Variants in F2R observed in about 807,000 individuals in gnomAD.
F2R encodes the protein coagulation factor II thrombin receptor, also known as proteinase-activated receptor 1.
A neutral mutation model predicts 18.3 loss-of-function variants in F2R; 12 were observed. That is an observed-to-expected ratio of 0.66 (90% confidence interval 0.42 to 1.06). F2R has a LOEUF of 1.06. Ranked by LOEUF, F2R falls within the 50% of genes least tolerant of loss-of-function variation. The pLI is 0.00. For synonymous variants in F2R, 210 were observed against 219.9 expected, an observed-to-expected ratio of 0.95 and a Z score of 0.40; for missense variants, 438 against 530.8, an observed-to-expected ratio of 0.83 and a Z score of 1.72.
In F2R at chr5:76,735,245, G is replaced by A. The variant is rs1037350053; in HGVS notation, c.*1742G>A. On this transcript the variant is annotated 3_prime_UTR_variant, in exon 2 of 2. Transcript: ENST00000319211. ...TCCCAGCACTTTGGGAGGCTGAGGC[G>A]GGTGGATCACGAGGTCAGGAGATCG... 7.9e-5 allele frequency: 12 copies of A among 152,116 alleles called. No individual in the cohort carries two copies. The highest frequency in any genetic ancestry group is 2.1e-4 in the South Asian group (1 of 4,832). 9.4% of individuals were successfully genotyped at this position (152,116 alleles called of 1,614,324 possible).
At position 76,733,494 on chromosome 5, in the gene F2R, G is replaced by A. The variant is rs200544128; in HGVS notation, c.1269G>A (p.Leu423=). 2.5e-4 allele frequency: 401 copies of A among 1,605,362 alleles called. 1 individual carries two copies. Among genetic ancestry groups the A allele is most frequent in the Non-Finnish European group, 2.9e-4 (338 of 1,176,544 alleles). The change falls in exon 2 of 2, where the codon CTG becomes CTA. Residue 423 remains leucine (L), a synonymous_variant. Transcript: ENST00000319211. ...SNLNNSIYKK[L]LT ...TGAATAACAGCATATACAAAAAGCT[G>A]TTAACTTAGGAAAAGGGACTGCTGG...
At chr5:76,716,607 C>T (rs898041150) in intron 1 of F2R, 32 of 722,222 alleles carry the variant, frequency 4.4e-5, no homozygotes, top group Non-Finnish European at 7.2e-5. Flanking sequence ...TGGACTCGAT[C>T]TTGGAGGGTG....
intron 1 of F2R, among the ~76,000 whole-genome samples, chr5:76,717,286 A>G (rs900959151): frequency 6.6e-6 from 1 of 152,240 alleles, no homozygotes; most frequent in African/African-American, 2.4e-5. Context: ...AGCAGCACAG[A>G]TGAGTTGTTT....
At position 76,716,315 on chromosome 5, in the gene F2R, C is replaced by CGCG. The variant is rs1748340769; in HGVS notation, c.14_16dup (p.Arg5dup). On this transcript the variant is annotated inframe_insertion, in exon 1 of 2. Coordinates refer to ENST00000319211, the MANE Select transcript of F2R (RefSeq NM_001992.5). ...CGCGCAGAGCCCGGGACAATGGGGC[C>CGCG]GCGGCGGCTGCTGCTGGTGGCCGCC... The CGCG allele has an allele frequency of 7.1e-7, 1 of 1,410,570 alleles. No individual in the cohort carries two copies. The highest frequency in any genetic ancestry group is 1.5e-5 in the African/African-American group (1 of 66,972). The allele number at this position is 1,410,570 out of a possible 1,614,324, so 87.4% of individuals were successfully genotyped here.
At chr5:76,731,718 T>C (rs1424160555) in intron 1 of F2R, among the ~76,000 whole-genome samples, 1 of 151,862 alleles carries the variant, frequency 6.6e-6, no homozygotes, top group Non-Finnish European at 1.5e-5. Context: ...TTAGTAGAGA[T>C]GGGGTTTCAC....
intron 1 of F2R, among the ~76,000 whole-genome samples, chr5:76,725,388 A>G (rs1408028603): frequency 1.3e-5 from 2 of 152,120 alleles, no homozygotes; most frequent in Non-Finnish European, 2.9e-5. Context: ...TGAATTCAGG[A>G]CCTCTGCTGC....
chr5:76,724,228 C>T (rs1200421255), intron 1 of F2R, among the ~76,000 whole-genome samples: 1 of 152,114 alleles, frequency 6.6e-6, no homozygotes, highest in African/African-American at 2.4e-5. Flanking sequence ...CCACCACGAC[C>T]AGCTAATTTT....
chr5:76,732,396 G>A lies in F2R; in HGVS notation c.171G>A (p.Glu57=). Residue 57 remains glutamate, a synonymous_variant, in exon 2 of 2, where the codon GAG becomes GAA. Coordinates refer to ENST00000319211, the MANE Select transcript of F2R (RefSeq NM_001992.5). ...ATGATAAATATGAACCATTTTGGGAGGATGAGGAGAAAAATGAAAGTGGGT... is the reference window on the plus strand; with the variant it reads ...ATGATAAATATGAACCATTTTGGGAAGATGAGGAGAAAAATGAAAGTGGGT... The part of the protein sequence containing the change: ...NPNDKYEPFW[E]DEEKNESGLT... The A allele has an allele frequency of 6.2e-7, 1 of 1,614,116 alleles. No homozygotes were observed. Among genetic ancestry groups the A allele is most frequent in the African/African-American group, 1.3e-5 (1 of 75,022 alleles).
At chr5:76,720,077 C>T (rs1748418564) in intron 1 of F2R, among the ~76,000 whole-genome samples, 1 of 151,844 alleles carries the variant, frequency 6.6e-6, no homozygotes, top group Non-Finnish European at 1.5e-5. Flanking sequence ...TAATTTTCTG[C>T]CCTACTATCT....
rs1748752817 is a variant in F2R at position 76,734,915 on chromosome 5, T to G, written c.*1412T>G. On this transcript the variant is annotated 3_prime_UTR_variant, in exon 2 of 2. Transcript: ENST00000319211. ...TAGATTGCTCAAATCAGGTTTTCTTTTAAGAATCAATCATGTCAGTCTGCT... is the reference window on the plus strand; with the variant it reads ...TAGATTGCTCAAATCAGGTTTTCTTGTAAGAATCAATCATGTCAGTCTGCT... 1 of 152,356 alleles carries G rather than the reference T, an allele frequency of 6.6e-6. No individual in the cohort carries two copies. Among genetic ancestry groups the G allele is most frequent in the Non-Finnish European group, 1.5e-5 (1 of 68,034 alleles). 9.4% of individuals were successfully genotyped at this position (152,356 alleles called of 1,614,324 possible).
chr5:76,726,990 G>T (rs1262301163), intron 1 of F2R, among the ~76,000 whole-genome samples: 2 of 152,128 alleles, frequency 1.3e-5, no homozygotes, highest in African/African-American at 4.8e-5. Context: ...TTCCAGAAAA[G>T]ATTGTGAATT....
Position 76,732,579 on chromosome 5 carries a change from A to T in F2R, c.354A>T (p.Pro118=). The T allele has an allele frequency of 6.2e-7, 1 of 1,614,150 alleles. No homozygotes were observed. The highest frequency in any genetic ancestry group is 2.2e-5 in the East Asian group (1 of 44,880). Reference sequence around the variant, plus strand: ...CCGGAGTGTTTGTAGTCAGCCTCCCACTAAACATCATGGCCATCGTTGTGT... The same window carrying T: ...CCGGAGTGTTTGTAGTCAGCCTCCCTCTAAACATCATGGCCATCGTTGTGT... ...VYTGVFVVSL[P]LNIMAIVVFI... is the part of the protein sequence containing the mutation. Residue 118 remains proline, a synonymous_variant, in exon 2 of 2, where the codon CCA becomes CCT. Transcript: ENST00000319211.
rs142704930 is a variant in F2R, at chr5:76,720,022, A to G, written c.88+3627A>G. On this transcript the variant is annotated intron_variant, in intron 1 of 1. Coordinates refer to ENST00000319211, the MANE Select transcript of F2R (RefSeq NM_001992.5). ...GTGGTTCTACCGTAAGCAGACCAGA[A>G]AGCTCTATAAAGCCTGAAAGTCAGA... 4.7e-3 allele frequency among the ~76,000 whole-genome samples: 718 copies of G among 152,320 alleles called. 1 individual carries two copies. The highest frequency in any genetic ancestry group is 8.3e-3 in the Non-Finnish European group (566 of 68,030).
At chr5:76,719,352 G>A (rs950461143) in intron 1 of F2R, among the ~76,000 whole-genome samples, 2 of 152,168 alleles carry the variant, frequency 1.3e-5, no homozygotes, top group African/African-American at 4.8e-5. Context: ...CACTTTGGGA[G>A]GCCAAAGCAG....
Position 76,732,517 on chromosome 5 carries a change from A to G in F2R, c.292A>G (p.Ser98Gly). Residue 98 changes from serine (S) to glycine (G), a missense_variant, in exon 2 of 2, where the codon AGC becomes GGC. Coordinates refer to ENST00000319211, the MANE Select transcript of F2R (RefSeq NM_001992.5). ...ISEDASGYLTSSWLTLFVPSV... is the reference protein window; with the variant it reads ...ISEDASGYLTGSWLTLFVPSV... ...AGAAGATGCCTCCGGATATTTGACCAGCTCCTGGCTGACACTCTTTGTCCC... is the reference window on the plus strand; with the variant it reads ...AGAAGATGCCTCCGGATATTTGACCGGCTCCTGGCTGACACTCTTTGTCCC... 6.2e-7 allele frequency: 1 copy of G among 1,614,192 alleles called. No individual in the cohort carries two copies.
Position 76,732,435 on chromosome 5 carries a change from A to T in F2R, c.210A>T (p.Arg70Ser). 6.2e-7 allele frequency: 1 copy of T among 1,614,176 alleles called. No homozygotes were observed. Among genetic ancestry groups the T allele is most frequent in the South Asian group, 1.1e-5 (1 of 91,090 alleles). Residue 70 changes from arginine (R) to serine (S), a missense_variant, in exon 2 of 2, where the codon AGA becomes AGT. Coordinates refer to ENST00000319211, the MANE Select transcript of F2R (RefSeq NM_001992.5). ...ATGAAAGTGGGTTAACTGAATACAG[A>T]TTAGTCTCCATCAATAAAAGCAGTC... ...EKNESGLTEYRLVSINKSSPL... is the reference protein window; with the variant it reads ...EKNESGLTEYSLVSINKSSPL...
intron 1 of F2R, 138 bp downstream of exon 1, chr5:76,716,533 G>GT (rs893932771): frequency 2.1e-5 from 17 of 797,644 alleles, no homozygotes; most frequent in African/African-American, 3.6e-5. Context: ...GAGATCTGGA[G>GT]TTTTTTCCAG....
chr5:76,729,740 G>A (rs1467120885), intron 1 of F2R, among the ~76,000 whole-genome samples: 1 of 152,196 alleles, frequency 6.6e-6, no homozygotes, highest in East Asian at 1.9e-4. Context: ...ATATTGGTTG[G>A]ATCTGGTGAT....
At chr5:76,730,306 C>T (rs940101584) in intron 1 of F2R, among the ~76,000 whole-genome samples, 5 of 152,314 alleles carry the variant, frequency 3.3e-5, no homozygotes, top group South Asian at 4.1e-4. Flanking sequence ...AGGGCTCCCC[C>T]TCTCTGACTT....
Sources: gnomAD v4.1 joint callset for allele counts (sites outside exome capture counted in the v4.1 genomes callset) on GRCh38, gnomAD v4.1.1 for gene constraint, MANE v1.5 for transcripts, NCBI Gene and HGNC (gene_info 2026-07-23, HGNC 2026-07-21) for gene names.